Variants in USH2A observed in about 807,000 individuals in gnomAD.
The protein encoded by USH2A is Usher syndrome 2A (autosomal recessive, mild).
A neutral mutation model predicts 538.9 loss-of-function variants in USH2A; 443 were observed. That is an observed-to-expected ratio of 0.82 (90% confidence interval 0.76 to 0.89). The LOEUF (loss-of-function observed/expected upper bound fraction) is 0.89, where lower values mean the gene tolerates loss of function less well. Among genes scored for constraint, USH2A ranks in the 40% least tolerant of loss-of-function variants. The pLI is 0.00. For missense variants in USH2A, 6,633 were observed against 6,324.8 expected (o/e 1.05, Z -1.65); for synonymous variants, 2,413 against 2,273.5 (o/e 1.06, Z -1.75).
intron 3 of USH2A, among the ~76,000 whole-genome samples, chr1:216,411,284 C>A (rs1273761553): frequency 2.6e-5 from 4 of 152,122 alleles, no homozygotes; most frequent in Non-Finnish European, 4.4e-5. Context: ...CTTATCAATT[C>A]TCTTTGCCCA....
intron 61 of USH2A, among the ~76,000 whole-genome samples, chr1:215,703,305 A>G (rs938756637): frequency 1.3e-5 from 2 of 152,186 alleles, no homozygotes; most frequent in Non-Finnish European, 2.9e-5. Flanking sequence ...GACGCACTTG[A>G]GGAGGCAGTC....
At chr1:215,918,396 TA>T (rs543731768) in intron 38 of USH2A, among the ~76,000 whole-genome samples, 174 of 152,120 alleles carry the variant, frequency 1.1e-3, no homozygotes, top group African/African-American at 3.9e-3. Context: ...AGTGCCCTTG[TA>T]ATAGAGACCC....
intron 37 of USH2A, 21 bp from the exon 38 acceptor site, chr1:215,934,816 T>C (rs1177247856): frequency 6.4e-7 from 1 of 1,572,952 alleles, no homozygotes; most frequent in Admixed American, 1.7e-5. Context: ...AAGAAAATTA[T>C]TAAAATAAAT....
chr1:216,231,099 A>G (rs953971139), intron 14 of USH2A, among the ~76,000 whole-genome samples: 6 of 150,110 alleles, frequency 4.0e-5, no homozygotes, highest in African/African-American at 1.5e-4. Context: ...ATCACAGAAT[A>G]CAAAGCTATG....
chr1:216,166,829 G>A (rs1239664501), intron 21 of USH2A, among the ~76,000 whole-genome samples: 4 of 152,196 alleles, frequency 2.6e-5, no homozygotes, highest in South Asian at 4.2e-4. Context: ...CTGGAGGGAG[G>A]ATCAGTCAAT....
intron 32 of USH2A, among the ~76,000 whole-genome samples, chr1:216,031,706 C>G (rs2102512103): frequency 6.6e-6 from 1 of 152,302 alleles, no homozygotes; most frequent in South Asian, 2.1e-4. Flanking sequence ...TCTCTTGCTT[C>G]AGAACAAAGT....
intron 61 of USH2A, among the ~76,000 whole-genome samples, chr1:215,690,772 T>A (rs927804263): frequency 2.6e-5 from 4 of 152,134 alleles, no homozygotes; most frequent in Non-Finnish European, 5.9e-5. Flanking sequence ...GAAATAGGAC[T>A]GGATTTATTT....
intron 3 of USH2A, among the ~76,000 whole-genome samples, chr1:216,366,787 T>C (rs1156569600): frequency 6.6e-6 from 1 of 152,184 alleles, no homozygotes; most frequent in Non-Finnish European, 1.5e-5. Flanking sequence ...AACAAAGCTT[T>C]AATATACCTC....
chr1:216,325,655 T>C (rs2102656410), intron 5 of USH2A, 56 bp from the exon 6 acceptor site: 1 of 1,543,378 alleles, frequency 6.5e-7, no homozygotes, highest in East Asian at 2.3e-5. Context: ...TAATAGAACT[T>C]CTAGGAGTCG....
intron 61 of USH2A, among the ~76,000 whole-genome samples, chr1:215,700,191 T>C (rs1658960711): frequency 6.6e-6 from 1 of 152,198 alleles, no homozygotes. Context: ...TTATAATGTG[T>C]TGCTGGATTT....
At chr1:215,884,455 A>T (rs976758267) in intron 41 of USH2A, among the ~76,000 whole-genome samples, 7 of 152,102 alleles carry the variant, frequency 4.6e-5, no homozygotes, top group African/African-American at 1.4e-4. Context: ...CCTGGGTGTG[A>T]ATTCCAACTC....
intron 44 of USH2A, among the ~76,000 whole-genome samples, chr1:215,852,274 GTGCAGGGAA>G (rs1445962890): frequency 6.6e-6 from 1 of 152,164 alleles, no homozygotes; most frequent in Admixed American, 6.5e-5. Flanking sequence ...ATGAGAGCTT[GTGCAGGGAA>G]ACTCCCCTTT....
At chr1:215,809,075 A>T (rs1662582489) in intron 49 of USH2A, among the ~76,000 whole-genome samples, 1 of 152,190 alleles carries the variant, frequency 6.6e-6, no homozygotes, top group African/African-American at 2.4e-5. Flanking sequence ...ATGCTACCAG[A>T]GACCAATGAA....
At chr1:216,118,789 C>T (rs941871996) in intron 21 of USH2A, among the ~76,000 whole-genome samples, 1 of 152,218 alleles carries the variant, frequency 6.6e-6, no homozygotes, top group African/African-American at 2.4e-5. Context: ...ATATTGAATG[C>T]CCAGTTCATC....
intron 41 of USH2A, among the ~76,000 whole-genome samples, chr1:215,885,227 A>T (rs994779761): frequency 1.3e-4 from 16 of 120,838 alleles, no homozygotes; most frequent in Admixed American, 6.6e-4. Context: ...ATCTATTGAT[A>T]AAAAAAAACC....
chr1:216,002,621 C>T (rs1179527985), intron 32 of USH2A, among the ~76,000 whole-genome samples: 1 of 152,010 alleles, frequency 6.6e-6, no homozygotes, highest in Non-Finnish European at 1.5e-5. Context: ...ATATAATAGC[C>T]ATATCAGATT....
chr1:215,669,857 T>A (rs1015440719), intron 64 of USH2A, among the ~76,000 whole-genome samples: 21 of 152,240 alleles, frequency 1.4e-4, no homozygotes, highest in Non-Finnish European at 2.9e-5. Flanking sequence ...TTCACTGTAC[T>A]CATTGATTTG....
At chr1:216,066,638 C>T (rs926025775) in intron 30 of USH2A, among the ~76,000 whole-genome samples, 13 of 152,100 alleles carry the variant, frequency 8.5e-5, no homozygotes, top group African/African-American at 2.9e-4. Context: ...TTCGTTTAAT[C>T]CCCACAGCTG....
intron 61 of USH2A, among the ~76,000 whole-genome samples, chr1:215,707,377 C>T (rs1659211202): frequency 6.6e-6 from 1 of 152,122 alleles, no homozygotes; most frequent in Non-Finnish European, 1.5e-5. Context: ...CTAGATGTAC[C>T]TTAGGTAAAT....
Sources: allele counts gnomAD v4.1 joint callset (sites outside exome capture counted in the v4.1 genomes callset), GRCh38; gene constraint gnomAD v4.1.1; transcripts MANE v1.5; gene names NCBI Gene and HGNC (gene_info 2026-07-23, HGNC 2026-07-21).